FUT8: variants seen among roughly 807,000 people sequenced by gnomAD.
FUT8 encodes the protein alpha-(1,6)-fucosyltransferase.
FUT8 carries 29 observed loss-of-function variants against 71.3 expected under a neutral mutation model. The observed-to-expected ratio is 0.41, with a 90% CI of 0.30 to 0.55. The LOEUF (loss-of-function observed/expected upper bound fraction) is 0.55. Ranked by LOEUF, FUT8 falls within the 20% of genes least tolerant of loss-of-function variation. The pLI, the probability that FUT8 is intolerant of heterozygous loss-of-function variation, is 0.34. For missense variants in FUT8, 544 were observed against 702.1 expected (o/e 0.77, Z 2.55); for synonymous variants, 254 against 239.3 (o/e 1.06, Z -0.57).
intron 1 of FUT8, among the ~76,000 whole-genome samples, chr14:65,448,372 G>A (rs1049333564): frequency 4.6e-5 from 7 of 152,118 alleles, no homozygotes; most frequent in African/African-American, 1.7e-4. Context: ...CAGGAGGATC[G>A]TTTGTTCTGT....
chr14:65,439,917 A>G (rs1053969630), intron 1 of FUT8, among the ~76,000 whole-genome samples: 2 of 144,816 alleles, frequency 1.4e-5, no homozygotes, highest in African/African-American at 5.0e-5. Context: ...GTGTTCATCA[A>G]CACATGAATG....
the FUT8 span, among the ~76,000 whole-genome samples, chr14:65,367,160 G>A: frequency 6.6e-6 from 1 of 152,198 alleles, no homozygotes; most frequent in Non-Finnish European, 1.5e-5. Context: ...ATTACAGAAA[G>A]TGGATTTCCC....
intron 7 of FUT8, among the ~76,000 whole-genome samples, chr14:65,708,140 G>T (rs1442799018): frequency 2.0e-5 from 3 of 152,164 alleles, no homozygotes; most frequent in Non-Finnish European, 4.4e-5. Flanking sequence ...AAGAGACCTG[G>T]TGGATGTAAT....
At chr14:65,616,479 A>G (rs1234840328) in intron 5 of FUT8, 106 bp downstream of exon 5, 3 of 983,288 alleles carry the variant, frequency 3.1e-6, no homozygotes, top group East Asian at 2.5e-5. Flanking sequence ...TATTAATAGC[A>G]CCTACAATAT....
intron 6 of FUT8, among the ~76,000 whole-genome samples, chr14:65,658,964 G>C (rs1050650963): frequency 1.3e-5 from 2 of 152,084 alleles, no homozygotes; most frequent in African/African-American, 2.4e-5. Context: ...CTATTGTTAA[G>C]TAATATGTTC....
chr14:65,676,101 T>C (rs1444028261), intron 7 of FUT8, among the ~76,000 whole-genome samples: 1 of 152,228 alleles, frequency 6.6e-6, no homozygotes, highest in African/African-American at 2.4e-5. Flanking sequence ...TGAAGCACTT[T>C]TATTAAACTG....
intron 3 of FUT8, among the ~76,000 whole-genome samples, chr14:65,573,787 TTTTAA>T (rs1886613897): frequency 6.6e-6 from 1 of 152,190 alleles, no homozygotes; most frequent in Admixed American, 6.5e-5. Flanking sequence ...TCATTTATTC[TTTTAA>T]TTATTTATTT....
chr14:65,400,215 A>G, the FUT8 span, among the ~76,000 whole-genome samples: 42 of 152,168 alleles, frequency 2.8e-4, no homozygotes, highest in Non-Finnish European at 5.4e-4. Flanking sequence ...AAACTATATC[A>G]ATGGTATCAA....
the FUT8 span, among the ~76,000 whole-genome samples, chr14:65,367,808 A>G: frequency 0.035 from 5,307 of 152,126 alleles, 277 homozygotes; most frequent in African/African-American, 0.11. Flanking sequence ...ATTGTCCCCA[A>G]TACCCAGGCC....
intron 3 of FUT8, among the ~76,000 whole-genome samples, chr14:65,606,463 A>C (rs1235539728): frequency 6.6e-6 from 1 of 151,866 alleles, no homozygotes; most frequent in African/African-American, 2.4e-5. Context: ...TATTTAAGAA[A>C]TTCTTTTCTC....
intron 2 of FUT8, among the ~76,000 whole-genome samples, chr14:65,468,759 C>T (rs913491512): frequency 6.6e-6 from 1 of 152,016 alleles, no homozygotes; most frequent in Non-Finnish European, 1.5e-5. Flanking sequence ...GTACACTCCC[C>T]TTCCTCGCCT....
intron 3 of FUT8, among the ~76,000 whole-genome samples, chr14:65,580,137 T>C (rs543840160): frequency 6.7e-6 from 1 of 149,336 alleles, no homozygotes; most frequent in African/African-American, 2.5e-5. Flanking sequence ...AAATACGTCA[T>C]TAGGTGATTT....
In FUT8 at chr14:65,651,565, C is replaced by T. The variant is rs1891409184; in HGVS notation, c.598-17678C>T. Reference sequence around the variant, plus strand: ...GATGAAAGTTAATCAGCTGACACTACACTAAGTTGACACAGATGTTGGAAT... The same window carrying T: ...GATGAAAGTTAATCAGCTGACACTATACTAAGTTGACACAGATGTTGGAAT... On this transcript the variant is annotated intron_variant, in intron 6 of 10. Transcript: ENST00000673929. Among the ~76,000 whole-genome samples, 3 of 152,176 alleles carry T rather than the reference C, an allele frequency of 2.0e-5. No homozygotes were observed. In the South Asian group the frequency reaches 6.2e-4, roughly 32 times the overall value.
upstream of FUT8, chr14:65,411,212 G>C (rs148436672): frequency 1.7e-4 from 26 of 152,324 alleles, no homozygotes; most frequent in African/African-American, 6.0e-4. Context: ...CCCAAACTGA[G>C]CTAGAACATA....
At chr14:65,609,849 T>G (rs540483892) in intron 3 of FUT8, among the ~76,000 whole-genome samples, 6 of 152,026 alleles carry the variant, frequency 3.9e-5, no homozygotes, top group African/African-American at 1.4e-4. Flanking sequence ...TGTGTTTCCA[T>G]ATGAATTTTA....
At chr14:65,396,265 T>C in the FUT8 span, among the ~76,000 whole-genome samples, 2 of 152,248 alleles carry the variant, frequency 1.3e-5, no homozygotes, top group Non-Finnish European at 2.9e-5. The surrounding 1 kb of genome is among the most constrained non-coding windows in gnomAD (Gnocchi z 5.5). Flanking sequence ...GTTATCTTTA[T>C]AGCCGCACCC....
intron 6 of FUT8, among the ~76,000 whole-genome samples, chr14:65,633,352 G>A (rs1321671208): frequency 4.6e-5 from 7 of 152,080 alleles, no homozygotes; most frequent in South Asian, 4.2e-4. Context: ...GTGCAGTGGC[G>A]TGATCTCGGC....
intron 1 of FUT8, among the ~76,000 whole-genome samples, chr14:65,434,614 G>A (rs1014789492): frequency 3.9e-5 from 6 of 152,196 alleles, no homozygotes; most frequent in African/African-American, 1.2e-4. Context: ...ACATAGGAGA[G>A]AGAAGCAGGG....
intron 2 of FUT8, among the ~76,000 whole-genome samples, chr14:65,536,477 G>T (rs976683760): frequency 2.6e-5 from 4 of 151,154 alleles, no homozygotes; most frequent in African/African-American, 9.7e-5. Flanking sequence ...GCATTTGCTT[G>T]TCTGAAAAGG....
Sources: gnomAD v4.1 joint callset for allele counts (sites outside exome capture counted in the v4.1 genomes callset) on GRCh38, gnomAD v4.1.1 for gene constraint, Gnocchi (gnomAD v3.1) non-coding constraint, MANE v1.5 for transcripts, NCBI Gene and HGNC (gene_info 2026-07-23, HGNC 2026-07-21) for gene names.